Variants in CCDC85A observed in about 807,000 individuals in gnomAD.
The protein encoded by CCDC85A is coiled-coil domain-containing protein 85A.
A neutral mutation model predicts 50.2 loss-of-function variants in CCDC85A; 38 were observed. The ratio of observed to expected loss-of-function variants is 0.76; its 90% CI spans 0.58 to 0.99. The LOEUF (loss-of-function observed/expected upper bound fraction) is 0.99. Among genes scored for constraint, CCDC85A ranks in the 50% least tolerant of loss-of-function variants. The probability of loss-of-function intolerance (pLI) is 0.00; values close to 1 mark genes in which losing one functional copy is unlikely to be tolerated. For synonymous variants in CCDC85A, 366 were observed against 301.4 expected (o/e 1.21, Z -2.22); for missense variants, 820 against 742.0 (o/e 1.11, Z -1.22).
At chr2:56,273,564 A>G (rs979158311) in intron 2 of CCDC85A, among the ~76,000 whole-genome samples, 1 of 152,104 alleles carries the variant, frequency 6.6e-6, no homozygotes, top group East Asian at 1.9e-4. Flanking sequence ...GATTAATTAT[A>G]TTTTCAGAAA....
At chr2:56,332,378 C>A (rs72916125) in intron 2 of CCDC85A, among the ~76,000 whole-genome samples, 29,752 of 151,998 alleles carry the variant, frequency 0.2, 3,968 homozygotes, top group African/African-American at 0.38. Context: ...GTCCAAGACG[C>A]AGGCACCCAT....
chr2:56,361,814 G>T (rs1675538899), intron 3 of CCDC85A, among the ~76,000 whole-genome samples: 1 of 152,206 alleles, frequency 6.6e-6, no homozygotes, highest in Admixed American at 6.5e-5. Flanking sequence ...TTTGGGCAGG[G>T]ATGTGATATC....
At chr2:56,351,546 A>G (rs1327872348) in intron 3 of CCDC85A, among the ~76,000 whole-genome samples, 3 of 140,490 alleles carry the variant, frequency 2.1e-5, no homozygotes, top group Admixed American at 7.0e-5. Context: ...TCGCCATTCT[A>G]ACTGGTGTGA....
At chr2:56,242,739 C>T (rs764890051) in intron 2 of CCDC85A, among the ~76,000 whole-genome samples, 9 of 152,110 alleles carry the variant, frequency 5.9e-5, no homozygotes, top group African/African-American at 9.7e-5. Flanking sequence ...TTGATTGTTT[C>T]ACTCACTGTG....
chr2:56,195,329 A>C (rs1676481750), intron 2 of CCDC85A, among the ~76,000 whole-genome samples: 1 of 152,214 alleles, frequency 6.6e-6, no homozygotes, highest in African/African-American at 2.4e-5. Context: ...GGATACAGAG[A>C]AACTTAGTGG....
At chr2:56,257,743 G>A (rs1670046341) in intron 2 of CCDC85A, among the ~76,000 whole-genome samples, 1 of 152,182 alleles carries the variant, frequency 6.6e-6, no homozygotes, top group Admixed American at 6.5e-5. Flanking sequence ...TGAAGGCAGG[G>A]AGATGAGTTA....
At chr2:56,209,044 T>C (rs1386799818) in intron 2 of CCDC85A, among the ~76,000 whole-genome samples, 4 of 152,074 alleles carry the variant, frequency 2.6e-5, no homozygotes, top group Admixed American at 2.6e-4. Context: ...CTTTTGGTCA[T>C]GGTGTCAAAT....
At chr2:56,240,853 A>G (rs1022421127) in intron 2 of CCDC85A, among the ~76,000 whole-genome samples, 12 of 152,108 alleles carry the variant, frequency 7.9e-5, no homozygotes, top group Admixed American at 7.9e-4. Context: ...AACATTGTGT[A>G]TAAGTGTTTG....
At chr2:56,349,024 A>G (rs1674768070) in intron 3 of CCDC85A, among the ~76,000 whole-genome samples, 1 of 151,196 alleles carries the variant, frequency 6.6e-6, no homozygotes, top group Non-Finnish European at 1.5e-5. Context: ...AAAGCAAGTG[A>G]TGGTATTCCT....
At chr2:56,186,389 A>G (rs907147144) in intron 1 of CCDC85A, among the ~76,000 whole-genome samples, 1 of 152,194 alleles carries the variant, frequency 6.6e-6, no homozygotes, top group Admixed American at 6.5e-5. Context: ...TCACCAATAC[A>G]ATGCAATGAT....
chr2:56,334,244 A>G (rs1673966225), intron 2 of CCDC85A, among the ~76,000 whole-genome samples: 1 of 152,186 alleles, frequency 6.6e-6, no homozygotes, highest in Non-Finnish European at 1.5e-5. Flanking sequence ...CCCAGATCTT[A>G]TCATTCCTGG....
chr2:56,310,832 T>C (rs911496419), intron 2 of CCDC85A, among the ~76,000 whole-genome samples: 2 of 152,162 alleles, frequency 1.3e-5, no homozygotes, highest in African/African-American at 4.8e-5. Context: ...GTTCCATCTA[T>C]TTTCCACTTC....
At chr2:56,226,096 A>G (rs951953565) in intron 2 of CCDC85A, among the ~76,000 whole-genome samples, 4 of 152,192 alleles carry the variant, frequency 2.6e-5, no homozygotes, top group African/African-American at 9.6e-5. Flanking sequence ...CAATGGGATT[A>G]TCACCTCTTG....
intron 2 of CCDC85A, among the ~76,000 whole-genome samples, chr2:56,233,098 A>G (rs565453149): frequency 3.9e-5 from 6 of 152,182 alleles, no homozygotes; most frequent in Non-Finnish European, 8.8e-5. Context: ...TCACCTCTGC[A>G]GGACTGTCTC....
At chr2:56,222,149 T>G in intron 2 of CCDC85A, among the ~76,000 whole-genome samples, 1 of 152,136 alleles carries the variant, frequency 6.6e-6, no homozygotes, top group African/African-American at 2.4e-5. Flanking sequence ...GGGGGACATA[T>G]TCTAACCATA....
chr2:56,264,621 T>C (rs1381119811), intron 2 of CCDC85A, among the ~76,000 whole-genome samples: 1 of 152,204 alleles, frequency 6.6e-6, no homozygotes, highest in East Asian at 1.9e-4. Context: ...ACCCTAGCTT[T>C]CTAGTGTCTA....
At chr2:56,218,516 T>C (rs933361942) in intron 2 of CCDC85A, among the ~76,000 whole-genome samples, 1 of 151,936 alleles carries the variant, frequency 6.6e-6, no homozygotes, top group Non-Finnish European at 1.5e-5. Flanking sequence ...CAAAGTAAAA[T>C]GATACTCAAC....
chr2:56,206,705 A>T (rs1676976214), intron 2 of CCDC85A, among the ~76,000 whole-genome samples: 1 of 152,222 alleles, frequency 6.6e-6, no homozygotes, highest in Non-Finnish European at 1.5e-5. Context: ...ATTGAGGATT[A>T]CGTTTCTAAT....
chr2:56,373,043 C>G (rs562987020), intron 4 of CCDC85A, among the ~76,000 whole-genome samples: 24 of 152,152 alleles, frequency 1.6e-4, no homozygotes, highest in Non-Finnish European at 3.5e-4. Context: ...AAATATTGGT[C>G]TGATTCTGCT....
Sources: allele counts gnomAD v4.1 joint callset (sites outside exome capture counted in the v4.1 genomes callset), GRCh38; gene constraint gnomAD v4.1.1; transcripts MANE v1.5; gene names NCBI Gene and HGNC (gene_info 2026-07-23, HGNC 2026-07-21).